Variants in CHRM5 observed in about 807,000 individuals in gnomAD.
The protein encoded by CHRM5 is muscarinic acetylcholine receptor M5.
Under a neutral mutation model 39.0 loss-of-function variants are expected in CHRM5, and 18 were observed. The ratio of observed to expected loss-of-function variants is 0.46; its 90% confidence interval spans 0.32 to 0.68. The LOEUF is 0.68. Among genes scored for constraint, CHRM5 ranks in the 30% least tolerant of loss-of-function variants. The probability of loss-of-function intolerance (pLI) is 0.04; values close to 1 mark genes in which losing one functional copy is unlikely to be tolerated. For missense variants in CHRM5, 515 were observed against 651.1 expected, an observed-to-expected ratio of 0.79 and a Z score of 2.28; for synonymous variants, 241 against 246.3, an observed-to-expected ratio of 0.98 and a Z score of 0.20.
chr15:34,007,548 C>T (rs1191861207), intron 1 of CHRM5, among the ~76,000 whole-genome samples: 2 of 152,170 alleles, frequency 1.3e-5, no homozygotes, highest in African/African-American at 4.8e-5. Flanking sequence ...ACAGTATCTT[C>T]AAGACAACGT....
In CHRM5 at chr15:34,064,319, A is replaced by G. The variant is rs766879380; in HGVS notation, c.*3A>G. ...AGGGGAACAGCAAGCTACCCTGAAA[A>G]GTCAACAACTCCTCTCGAAAGAACA... On this transcript the variant is annotated 3_prime_UTR_variant, in exon 3 of 3. Coordinates refer to ENST00000383263, the MANE Select transcript of CHRM5 (RefSeq NM_012125.4). 1.4e-5 allele frequency: 23 copies of G among 1,607,546 alleles called. No individual in the cohort carries two copies. The South Asian group carries it at 2.6e-4, about 18-fold the overall frequency.
intron 1 of CHRM5, among the ~76,000 whole-genome samples, chr15:34,035,696 T>C (rs1899082954): frequency 1.3e-5 from 2 of 152,258 alleles, no homozygotes; most frequent in Non-Finnish European, 2.9e-5. Flanking sequence ...GACTACCAGC[T>C]GGCCTTGTCT....
intron 2 of CHRM5, 71 bp from the exon 3 acceptor site, chr15:34,062,572 A>G (rs928544856): frequency 1.5e-6 from 1 of 657,354 alleles, no homozygotes. Flanking sequence ...AAAAAAAAAA[A>G]AACTATAAAC....
intron 1 of CHRM5, among the ~76,000 whole-genome samples, chr15:34,001,518 T>C (rs1251715613): frequency 1.3e-5 from 2 of 152,178 alleles, no homozygotes; most frequent in Admixed American, 1.3e-4. Flanking sequence ...AGCTCATATT[T>C]TACCTTCATT....
chr15:33,997,716 C>T (rs1415189148), intron 1 of CHRM5, among the ~76,000 whole-genome samples: 1 of 152,022 alleles, frequency 6.6e-6, no homozygotes, highest in Non-Finnish European at 1.5e-5. Context: ...TTTCCTTATC[C>T]CACTTAAATT....
At chr15:33,985,911 T>C (rs866765395) in intron 1 of CHRM5, among the ~76,000 whole-genome samples, 7 of 152,304 alleles carry the variant, frequency 4.6e-5, no homozygotes, top group South Asian at 4.2e-4. Flanking sequence ...GAAAGGTTCA[T>C]GATTCTCTCA....
chr15:34,008,097 T>C (rs1051289905), intron 1 of CHRM5, among the ~76,000 whole-genome samples: 1 of 151,854 alleles, frequency 6.6e-6, no homozygotes, highest in African/African-American at 2.4e-5. Flanking sequence ...GAAGAAAAAA[T>C]CACCTATCAC....
intron 1 of CHRM5, among the ~76,000 whole-genome samples, chr15:33,972,714 T>C (rs1262185491): frequency 6.6e-6 from 1 of 152,208 alleles, no homozygotes; most frequent in Non-Finnish European, 1.5e-5. Flanking sequence ...AGACCTCTTT[T>C]TGTAATCTTT....
At position 34,064,363 on chromosome 15, in the gene CHRM5, C is replaced by A; in HGVS notation, c.*47C>A. 1.3e-6 allele frequency: 2 copies of A among 1,543,616 alleles called. No homozygotes were observed. Among genetic ancestry groups the A allele is most frequent in the South Asian group, 1.3e-5 (1 of 79,302 alleles). ...AAGAACAATGACCACAGTCAACATC[C>A]TCTGAGGATGAGCAAGCTGATTCTG... On this transcript the variant is annotated 3_prime_UTR_variant, in exon 3 of 3. Transcript: ENST00000383263.
At chr15:33,988,556 C>T (rs531567685) in intron 1 of CHRM5, among the ~76,000 whole-genome samples, 3 of 152,124 alleles carry the variant, frequency 2.0e-5, no homozygotes, top group Admixed American at 1.3e-4. Context: ...CACTGATGAC[C>T]GCCATCAGCT....
intron 2 of CHRM5, among the ~76,000 whole-genome samples, chr15:34,049,143 T>C (rs540879637): frequency 1.3e-5 from 2 of 152,132 alleles, no homozygotes; most frequent in Non-Finnish European, 2.9e-5. Context: ...ACAGAGTGCG[T>C]CTCTGCCTCC....
chr15:33,995,292 T>A (rs1206661646), intron 1 of CHRM5, among the ~76,000 whole-genome samples: 1 of 152,094 alleles, frequency 6.6e-6, no homozygotes, highest in South Asian at 2.1e-4. Flanking sequence ...AAGAAAATTA[T>A]TTTAAAATAA....
intron 1 of CHRM5, among the ~76,000 whole-genome samples, chr15:34,011,649 A>G (rs370385472): frequency 8.6e-4 from 131 of 152,304 alleles, no homozygotes; most frequent in African/African-American, 3.0e-3. Flanking sequence ...CCCACAACCA[A>G]GAAAATGGGA....
intron 1 of CHRM5, among the ~76,000 whole-genome samples, chr15:33,992,370 A>G (rs901957441): frequency 1.3e-5 from 2 of 152,058 alleles, no homozygotes; most frequent in Non-Finnish European, 2.9e-5. Flanking sequence ...AGCCTGCGCG[A>G]CAGATCAGGA....
intron 1 of CHRM5, among the ~76,000 whole-genome samples, chr15:34,041,241 C>G (rs2140804908): frequency 6.6e-6 from 1 of 152,272 alleles, no homozygotes; most frequent in East Asian, 1.9e-4. Flanking sequence ...CAGACATTGC[C>G]AAATGTTCCC....
At chr15:33,987,313 C>G (rs965532148) in intron 1 of CHRM5, among the ~76,000 whole-genome samples, 1 of 152,056 alleles carries the variant, frequency 6.6e-6, no homozygotes, top group African/African-American at 2.4e-5. Context: ...ATTTGATAAA[C>G]TAAGATCAAA....
At chr15:34,048,128 G>A (rs1012122922) in intron 2 of CHRM5, among the ~76,000 whole-genome samples, 6 of 152,112 alleles carry the variant, frequency 3.9e-5, no homozygotes, top group Non-Finnish European at 8.8e-5. Flanking sequence ...CACTTGCCTC[G>A]GCTTTCCAAA....
chr15:34,026,115 T>C (rs530629246), intron 1 of CHRM5, among the ~76,000 whole-genome samples: 1 of 152,238 alleles, frequency 6.6e-6, no homozygotes, highest in Non-Finnish European at 1.5e-5. Flanking sequence ...ACAGATTAAG[T>C]TTGATATTCT....
At chr15:33,970,713 C>T (rs1027768289) in intron 1 of CHRM5, among the ~76,000 whole-genome samples, 1 of 151,808 alleles carries the variant, frequency 6.6e-6, no homozygotes, top group African/African-American at 2.4e-5. Flanking sequence ...TTCTACTATG[C>T]TCAATTTGCT....
Sources: allele counts gnomAD v4.1 joint callset (sites outside exome capture counted in the v4.1 genomes callset), GRCh38; gene constraint gnomAD v4.1.1; transcripts MANE v1.5; gene names NCBI Gene and HGNC (gene_info 2026-07-23, HGNC 2026-07-21).